MGAM: variants seen among roughly 807,000 people sequenced by gnomAD.
The protein encoded by MGAM is maltase-glucoamylase.
A neutral mutation model predicts 358.8 loss-of-function variants in MGAM; 253 were observed. The ratio of observed to expected loss-of-function variants is 0.71; its 90% confidence interval spans 0.64 to 0.78. The LOEUF is 0.78. MGAM is among the 30% of genes least tolerant of loss of function. The probability of loss-of-function intolerance (pLI) is 0.00; values close to 1 mark genes in which losing one functional copy is unlikely to be tolerated. For missense variants in MGAM, 3,080 were observed against 3,432.6 expected (o/e 0.90, Z 2.57); for synonymous variants, 1,105 against 1,227.1 (o/e 0.90, Z 2.08).
intron 7 of MGAM, among the ~76,000 whole-genome samples, chr7:142,023,005 A>G (rs953251191): frequency 3.9e-5 from 6 of 152,142 alleles, no homozygotes; most frequent in Non-Finnish European, 8.8e-5. Context: ...AATTTGAAGT[A>G]ACATTGTTTT....
intron 21 of MGAM, among the ~76,000 whole-genome samples, chr7:142,042,790 A>G (rs1313725780): frequency 5.1e-5 from 4 of 77,768 alleles, no homozygotes; most frequent in Non-Finnish European, 6.6e-5. Flanking sequence ...AATATAATAT[A>G]TATACATATA....
At chr7:142,091,250 C>CAAAAAAAAAAAAA (rs34993763) in intron 57 of MGAM, among the ~76,000 whole-genome samples, 7 of 86,726 alleles carry the variant, frequency 8.1e-5, no homozygotes, top group African/African-American at 2.9e-4. Context: ...GACTCTGTCT[C>CAAAAAAAAAAAAA]AAAAAAAAAA....
At chr7:142,083,497 G>A in intron 53 of MGAM, 84 bp downstream of exon 53, 1 of 960,794 alleles carries the variant, frequency 1.0e-6, no homozygotes, top group Middle Eastern at 2.1e-4. Flanking sequence ...ATAACTCTCA[G>A]ATGATAACTG....
At position 142,065,477 on chromosome 7, in the gene MGAM, G is replaced by C. The variant is rs750040921; in HGVS notation, c.4618+9G>C. 6.2e-7 allele frequency: 1 copy of C among 1,612,850 alleles called. No individual in the cohort carries two copies. The highest frequency in any genetic ancestry group is 1.3e-5 in the African/African-American group (1 of 74,838). Reference sequence around the variant, plus strand: ...GAAGAAGTCTATCATTGGTGCGTGGGTCCTTCCCCAGGGCCTTTGCCGACA... The same window carrying C: ...GAAGAAGTCTATCATTGGTGCGTGGCTCCTTCCCCAGGGCCTTTGCCGACA... On this transcript the variant is annotated intron_variant, in intron 38 of 70. Coordinates refer to ENST00000475668, the MANE Select transcript of MGAM (RefSeq NM_001365693.1).
intron 50 of MGAM, 125 bp from the exon 51 acceptor site, chr7:142,081,917 T>C: frequency 9.8e-7 from 1 of 1,016,014 alleles, no homozygotes; most frequent in Non-Finnish European, 1.5e-6. Flanking sequence ...TGAGTTTCAG[T>C]TTTGTTTGGG....
intron 8 of MGAM, among the ~76,000 whole-genome samples, chr7:142,026,684 A>G (rs1807005581): frequency 1.3e-5 from 2 of 152,086 alleles, no homozygotes; most frequent in East Asian, 3.9e-4. Context: ...GACTAGAGGT[A>G]CTCCTTGGAG....
intron 23 of MGAM, 139 bp from the exon 24 acceptor site, chr7:142,050,558 C>G (rs2129030506): frequency 1.0e-6 from 1 of 965,446 alleles, no homozygotes; most frequent in Admixed American, 2.3e-5. Flanking sequence ...TGTACTTCTT[C>G]AGCACACACT....
chr7:142,045,151 ATG>A (rs1381553781), intron 21 of MGAM, among the ~76,000 whole-genome samples: 13 of 104,860 alleles, frequency 1.2e-4, no homozygotes, highest in Non-Finnish European at 1.9e-4. Flanking sequence ...TATATCATAT[ATG>A]TGATATATAA....
rs1554463805 is a variant in MGAM, at chr7:142,031,669, TTCTCC to T, written c.1471-9_1471-5del. 1 of 1,573,606 alleles carries T rather than the reference TTCTCC, an allele frequency of 6.4e-7. No homozygotes were observed. Among genetic ancestry groups the T allele is most frequent in the African/African-American group, 1.4e-5 (1 of 73,750 alleles). On this transcript the variant is annotated splice_polypyrimidine_tract_variant and splice_region_variant and intron_variant, in intron 12 of 70. Transcript: ENST00000475668. The stretch of plus-strand genomic sequence containing the variant: ...TTTACTCTTACCAGTGTTTTTCTTT[TTCTCC>T]TGAAGGTCTGGCCTGGACAAACTGT...
At chr7:142,084,493 A>T in intron 53 of MGAM, 26 bp from the exon 54 acceptor site, 1 of 1,550,540 alleles carries the variant, frequency 6.4e-7, no homozygotes, top group Non-Finnish European at 8.9e-7. Flanking sequence ...TGTTCTGAGG[A>T]CTAATATTTT....
intron 30 of MGAM, 25 bp from the exon 31 acceptor site, chr7:142,058,178 C>CG: frequency 6.2e-7 from 1 of 1,613,480 alleles, no homozygotes; most frequent in Non-Finnish European, 8.5e-7. Flanking sequence ...GTTCTGAAGA[C>CG]TAATATTTTC....
At chr7:141,995,110 A>G (rs945876790), upstream of MGAM, among the ~76,000 whole-genome samples, 1 of 152,120 alleles carries the variant, frequency 6.6e-6, no homozygotes, top group Non-Finnish European at 1.5e-5. Flanking sequence ...CATAATTCCA[A>G]CCTTGCCTTA....
Position 142,038,635 on chromosome 7 carries a change from T to C in MGAM, c.2316+20T>C, listed in dbSNP as rs1263089148. On this transcript the variant is annotated intron_variant, in intron 19 of 70. Transcript: ENST00000475668. Reference sequence around the variant, plus strand: ...GATGAAGTAAGTGTTCCCACAGAGATACACTAGAGATCTCTGCATCTGTAT... The same window carrying C: ...GATGAAGTAAGTGTTCCCACAGAGACACACTAGAGATCTCTGCATCTGTAT... 1.3e-6 allele frequency: 2 copies of C among 1,571,236 alleles called. No individual in the cohort carries two copies. The highest frequency in any genetic ancestry group is 1.7e-6 in the Non-Finnish European group (2 of 1,150,804).
At chr7:142,054,472 A>G (rs543122280) in intron 26 of MGAM, among the ~76,000 whole-genome samples, 1 of 152,276 alleles carries the variant, frequency 6.6e-6, no homozygotes, top group East Asian at 1.9e-4. Context: ...GAAAATAACA[A>G]GTAACATATT....
In MGAM at chr7:142,005,603, A is replaced by C. The variant is rs61733478; in HGVS notation, c.73A>C (p.Ile25Leu). 6.3e-7 allele frequency: 1 copy of C among 1,589,510 alleles called. No individual in the cohort carries two copies. Among genetic ancestry groups the C allele is most frequent in the Non-Finnish European group, 8.6e-7 (1 of 1,168,182 alleles). ...VLSVLLLVLF[I>L]ISIVLIVLLA... is the part of the protein sequence containing the mutation. ...CAGTGTTCTTCTGCTTGTGTTGTTT[A>C]TCATCAGTATTGTTCTAATTGTGCT... Residue 25 changes from isoleucine (I) to leucine (L), a missense_variant, in exon 2 of 71, where the codon ATC becomes CTC. Transcript: ENST00000475668.
intron 43 of MGAM, among the ~76,000 whole-genome samples, chr7:142,069,328 C>T (rs1487691357): frequency 6.9e-6 from 1 of 145,716 alleles, no homozygotes; most frequent in Non-Finnish European, 1.6e-5. Context: ...TAGTATGATT[C>T]CCAAAGACTC....
chr7:142,068,537 G>T, intron 42 of MGAM, 110 bp from the exon 43 acceptor site: 1 of 866,428 alleles, frequency 1.2e-6, no homozygotes, highest in Non-Finnish European at 1.9e-6. Flanking sequence ...GGGACATGAG[G>T]CAGCTGGGTC....
At chr7:142,034,530 C>T (rs1171850096) in intron 15 of MGAM, 140 bp from the exon 16 acceptor site, 42 of 993,100 alleles carry the variant, frequency 4.2e-5, no homozygotes, top group Non-Finnish European at 6.1e-5. Flanking sequence ...ATGCTCCCAA[C>T]AGGGACTCTA....
At chr7:142,081,718 G>A (rs1220112785) in intron 50 of MGAM, among the ~76,000 whole-genome samples, 1 of 145,552 alleles carries the variant, frequency 6.9e-6, no homozygotes, top group Non-Finnish European at 1.6e-5. Context: ...TGAGTGCTAC[G>A]TAGAAAATGC....
Sources: gnomAD v4.1 joint callset for allele counts (sites outside exome capture counted in the v4.1 genomes callset) on GRCh38, gnomAD v4.1.1 for gene constraint, MANE v1.5 for transcripts, NCBI Gene and HGNC (gene_info 2026-07-23, HGNC 2026-07-21) for gene names.